CDH3: variants seen among roughly 807,000 people sequenced by gnomAD.
The protein encoded by CDH3 is cadherin 3.
A neutral mutation model predicts 82.0 loss-of-function variants in CDH3; 54 were observed. That is an observed-to-expected ratio of 0.66 (90% CI 0.53 to 0.83). CDH3 has a LOEUF of 0.83. Among genes scored for constraint, CDH3 ranks in the 40% least tolerant of loss-of-function variants. The pLI, the probability that CDH3 is intolerant of heterozygous loss-of-function variation, is 0.00. For missense variants in CDH3, 1,054 were observed against 1,084.6 expected (o/e 0.97, Z 0.40); for synonymous variants, 446 against 437.9 (o/e 1.02, Z -0.23).
chr16:68,677,414 T>C (rs1263449093), intron 3 of CDH3, among the ~76,000 whole-genome samples: 2 of 152,236 alleles, frequency 1.3e-5, no homozygotes, highest in African/African-American at 2.4e-5. Flanking sequence ...TAAGCTGCCC[T>C]ATACCTTAAT....
downstream of CDH3, among the ~76,000 whole-genome samples, chr16:68,703,516 G>A (rs981906987): frequency 2.0e-5 from 3 of 152,064 alleles, no homozygotes; most frequent in African/African-American, 7.3e-5. Context: ...ACTCCCTCCA[G>A]GCTAAAGGCA....
chr16:68,727,831 A>G (rs1962234894), downstream of CDH3, among the ~76,000 whole-genome samples: 1 of 151,958 alleles, frequency 6.6e-6, no homozygotes, highest in Non-Finnish European at 1.5e-5. Flanking sequence ...ATCGCTTGAA[A>G]TCGGAAGGCA....
intron 1 of CDH3, among the ~76,000 whole-genome samples, chr16:68,720,779 G>T (rs1046020511): frequency 6.6e-6 from 1 of 151,768 alleles, no homozygotes; most frequent in Admixed American, 6.6e-5. Context: ...CTGCCACCAC[G>T]CCGACTAATT....
At chr16:68,665,490 A>G (rs1368986185) in intron 2 of CDH3, among the ~76,000 whole-genome samples, 5 of 152,080 alleles carry the variant, frequency 3.3e-5, no homozygotes, top group African/African-American at 9.7e-5. Context: ...GTGTATTCCC[A>G]TTTTAGAGAC....
intron 2 of CDH3, among the ~76,000 whole-genome samples, chr16:68,648,807 T>A (rs1960155400): frequency 6.6e-6 from 1 of 151,550 alleles, no homozygotes; most frequent in African/African-American, 2.4e-5. Flanking sequence ...GAATGTTGGA[T>A]CCCTGAATCC....
chr16:68,650,952 A>G (rs1332708903), intron 2 of CDH3: 12 of 200,056 alleles, frequency 6.0e-5, no homozygotes, highest in East Asian at 1.4e-4. Context: ...AAAAAAAAAA[A>G]AAGAAGAGGA....
chr16:68,705,514 C>A (rs528990005), intron 1 of CDH3, among the ~76,000 whole-genome samples: 1 of 151,980 alleles, frequency 6.6e-6, no homozygotes, highest in Non-Finnish European at 1.5e-5. Flanking sequence ...CTCCACCTCC[C>A]GAGTTCAAGT....
At chr16:68,660,793 C>A (rs1202666588) in intron 2 of CDH3, among the ~76,000 whole-genome samples, 2 of 152,024 alleles carry the variant, frequency 1.3e-5, no homozygotes, top group Non-Finnish European at 2.9e-5. Flanking sequence ...CCCGTCTCTA[C>A]TAAAAAACAC....
At chr16:68,648,325 T>A (rs1960137399) in intron 2 of CDH3, among the ~76,000 whole-genome samples, 2 of 152,194 alleles carry the variant, frequency 1.3e-5, no homozygotes, top group Admixed American at 1.3e-4. Context: ...ATGAATGAAT[T>A]TGACAACCTT....
At chr16:68,702,257 C>T (rs1394309996), downstream of CDH3, among the ~76,000 whole-genome samples, 1 of 152,088 alleles carries the variant, frequency 6.6e-6, no homozygotes, top group Non-Finnish European at 1.5e-5. Context: ...CCCAACACAT[C>T]CAGTTTGGAT....
intron 2 of CDH3, chr16:68,651,240 C>T (rs1430740044): frequency 3.7e-6 from 2 of 534,748 alleles, no homozygotes; most frequent in South Asian, 2.8e-5. Context: ...AGTTGTCATA[C>T]TTGTTGGTGC....
chr16:68,649,279 A>G (rs770901071), intron 2 of CDH3, among the ~76,000 whole-genome samples: 8 of 152,216 alleles, frequency 5.3e-5, no homozygotes, highest in South Asian at 2.1e-4. Context: ...ACTAACCATC[A>G]GCTTTGGGAG....
At chr16:68,728,290 G>A (rs548795087), downstream of CDH3, among the ~76,000 whole-genome samples, 526 of 151,882 alleles carry the variant, frequency 3.5e-3, 3 homozygotes, top group African/African-American at 0.012. Flanking sequence ...CTCAGCCTCC[G>A]GAGCAGCTGG....
Position 68,679,905 on chromosome 16 carries a change from C to T in CDH3, c.798C>T (p.His266=), listed in dbSNP as rs748455192. Residue 266 remains histidine (H), a synonymous_variant, in exon 7 of 16, where the codon CAC becomes CAT. Transcript: ENST00000264012. Reference sequence around the variant, plus strand: ...ATAGCCAAGAACCAAAGGACCCACACGACCTCATGTTCACCATTCACCGGA... The same window carrying T: ...ATAGCCAAGAACCAAAGGACCCACATGACCTCATGTTCACCATTCACCGGA... ...SIHSQEPKDP[H]DLMFTIHRST... The T allele has an allele frequency of 3.0e-5, 49 of 1,613,968 alleles. No homozygotes were observed. In the East Asian group the frequency reaches 9.6e-4, roughly 32 times the overall value.
At chr16:68,658,944 A>G (rs1960483409) in intron 2 of CDH3, among the ~76,000 whole-genome samples, 1 of 152,044 alleles carries the variant, frequency 6.6e-6, no homozygotes, top group Admixed American at 6.6e-5. Context: ...TTACATAGGG[A>G]CGGTTGGTTG....
chr16:68,708,921 G>A lies in CDH3; in HGVS notation c.99+12998G>A, dbSNP rs62057806. ...GCCTCCCAAAGTGCTGGGATTACAG[G>A]TGTGAGCTACCATGCTGGCAGATTT... On this transcript the variant is annotated intron_variant, in intron 1 of 2. Transcript: ENST00000569080. Among the ~76,000 whole-genome samples, 840 of 152,222 alleles carry A rather than the reference G, an allele frequency of 5.5e-3. 9 individuals carry two copies. Among genetic ancestry groups the A allele is most frequent in the Middle Eastern group, 0.02 (6 of 294 alleles).
intron 13 of CDH3, among the ~76,000 whole-genome samples, chr16:68,693,822 G>T (rs1388873833): frequency 2.6e-5 from 4 of 152,152 alleles, no homozygotes; most frequent in Non-Finnish European, 5.9e-5. Flanking sequence ...ATGGCTAGAG[G>T]GTCCCCTCTT....
chr16:68,717,633 C>T lies in CDH3; in HGVS notation c.100-4792C>T, dbSNP rs181101819. ...ACTAAAAGTACAAAAATTAGCCGGG[C>T]GTGGTGGCAGGCACCTGTAATCCCA... On this transcript the variant is annotated intron_variant, in intron 1 of 2. Transcript: ENST00000569080. Among the ~76,000 whole-genome samples the T allele has an allele frequency of 3.6e-3, 553 of 152,032 alleles. 5 individuals are homozygous for T. Among genetic ancestry groups the T allele is most frequent in the Non-Finnish European group, 5.9e-3 (401 of 67,980 alleles).
Position 68,698,065 on chromosome 16 carries a change from C to A in CDH3, c.2281-126C>A, listed in dbSNP as rs75388922. ...ATGAATTCTGCATGAATAACGCATTCTTTCATTTCTACCTCCAAAACCTTT... is the reference window on the plus strand; with the variant it reads ...ATGAATTCTGCATGAATAACGCATTATTTCATTTCTACCTCCAAAACCTTT... On this transcript the variant is annotated intron_variant, in intron 15 of 15. Coordinates refer to ENST00000264012, the MANE Select transcript of CDH3 (RefSeq NM_001793.6). 1,601 of 863,662 alleles carry A rather than the reference C, an allele frequency of 1.9e-3. 20 individuals carry two copies. In the African/African-American group the frequency reaches 0.019, roughly 10 times the overall value. 53.5% of individuals were successfully genotyped at this position (863,662 alleles called of 1,614,324 possible). A position where few individuals can be genotyped will look rare whatever the true frequency, so the allele number is the denominator to read the frequency against.
Sources: allele counts gnomAD v4.1 joint callset (sites outside exome capture counted in the v4.1 genomes callset), GRCh38; gene constraint gnomAD v4.1.1; transcripts MANE v1.5; gene names NCBI Gene and HGNC (gene_info 2026-07-23, HGNC 2026-07-21).